The following CACNA2D4 variants were observed in gnomAD, a reference collection of about 807,000 sequenced individuals.
The protein encoded by CACNA2D4 is calcium voltage-gated channel auxiliary subunit alpha2delta 4.
A neutral mutation model predicts 163.8 loss-of-function variants in CACNA2D4; 157 were observed. The ratio of observed to expected loss-of-function variants is 0.96; its 90% CI spans 0.84 to 1.09. The LOEUF (loss-of-function observed/expected upper bound fraction) is 1.09, where lower values mean the gene tolerates loss of function less well. CACNA2D4 is among the 50% of genes least tolerant of loss of function. The probability of loss-of-function intolerance (pLI) is 0.00; values close to 1 mark genes in which losing one functional copy is unlikely to be tolerated. For missense variants in CACNA2D4, 1,410 were observed against 1,479.9 expected (o/e 0.95, Z 0.78); for synonymous variants, 598 against 586.9 (o/e 1.02, Z -0.27).
intron 26 of CACNA2D4, chr12:1,831,054 C>A (rs1409024015): frequency 6.2e-7 from 1 of 1,613,834 alleles, no homozygotes; most frequent in Non-Finnish European, 8.5e-7. Flanking sequence ...CACCACGGTG[C>A]CCCCAGACGT....
chr12:1,865,252 T>G (rs2154448789), intron 18 of CACNA2D4, among the ~76,000 whole-genome samples: 1 of 152,348 alleles, frequency 6.6e-6, no homozygotes, highest in Middle Eastern at 3.4e-3. Context: ...CCGCGGAGCC[T>G]GATGGTCTCG....
Position 1,800,368 on chromosome 12 carries a change from G to T in CACNA2D4, c.2921+18C>A. 6.2e-7 allele frequency: 1 copy of T among 1,613,358 alleles called. No homozygotes were observed. Among genetic ancestry groups the T allele is most frequent in the East Asian group, 2.2e-5 (1 of 44,874 alleles). ...TCGCATGCAGCCCTCCACCAGCCCC[G>T]TGTCTACCCCCACTCACAGCACCAG... On this transcript the variant is annotated intron_variant, in intron 32 of 37. Transcript: ENST00000382722.
chr12:1,858,548 C>T, intron 20 of CACNA2D4, 29 bp downstream of exon 20: 1 of 1,606,544 alleles, frequency 6.2e-7, no homozygotes, highest in Non-Finnish European at 8.5e-7. Flanking sequence ...TTCTGCTTAA[C>T]TGTCCCTCAG....
At chr12:1,797,671 C>G in intron 34 of CACNA2D4, 136 bp from the exon 35 acceptor site, 13 of 561,780 alleles carry the variant, frequency 2.3e-5, no homozygotes, top group Non-Finnish European at 3.2e-5. Flanking sequence ...TCAGGACACG[C>G]GTGGGAGGAG....
chr12:1,845,393 G>A (rs1289902826), intron 24 of CACNA2D4, among the ~76,000 whole-genome samples: 1 of 141,020 alleles, frequency 7.1e-6, no homozygotes, highest in Non-Finnish European at 1.6e-5. Flanking sequence ...GGGTGGGGGG[G>A]AGGAGGGGAG....
rs1490662252 is a variant in CACNA2D4 at position 1,831,109 on chromosome 12, G to C, written c.2551+9630C>G. On this transcript the variant is annotated intron_variant, in intron 26 of 37. Coordinates refer to ENST00000382722, the MANE Select transcript of CACNA2D4 (RefSeq NM_172364.5). ...CTCTTGCTCTTGAACAATAAGCTGA[G>C]TGCCCTGCCAAGCTGGGCTTTCGCC... The C allele has an allele frequency of 5.0e-6, 8 of 1,613,884 alleles. No homozygotes were observed. In the African/African-American group the frequency reaches 1.1e-4, roughly 22 times the overall value.
At chr12:1,812,341 C>G (rs535485787) in intron 26 of CACNA2D4, among the ~76,000 whole-genome samples, 1 of 152,332 alleles carries the variant, frequency 6.6e-6, no homozygotes, top group South Asian at 2.1e-4. Context: ...GCAAATAGTT[C>G]TCTTTTGATG....
intron 26 of CACNA2D4, among the ~76,000 whole-genome samples, chr12:1,823,649 A>C: frequency 6.6e-6 from 1 of 151,994 alleles, no homozygotes; most frequent in Non-Finnish European, 1.5e-5. Context: ...GGTTTCTAGA[A>C]AGCCCCCCAC....
chr12:1,824,108 G>A (rs1388457852), intron 26 of CACNA2D4, among the ~76,000 whole-genome samples: 1 of 152,204 alleles, frequency 6.6e-6, no homozygotes, highest in Non-Finnish European at 1.5e-5. Flanking sequence ...GTTTGTGACT[G>A]TGGTAATTTT....
At chr12:1,871,696 GTGTGTGTACACGTGTATGCAACTGGCA>G (rs1395061179) in intron 18 of CACNA2D4, among the ~76,000 whole-genome samples, 1 of 151,796 alleles carries the variant, frequency 6.6e-6, no homozygotes, top group African/African-American at 2.4e-5. Context: ...TGCTGCTGGT[GTGTGTGTACACGTGTATGCAACTGGCA>G]TGTGTGTACA....
chr12:1,831,954 T>A (rs1448285427), intron 26 of CACNA2D4, among the ~76,000 whole-genome samples: 2 of 152,128 alleles, frequency 1.3e-5, no homozygotes, highest in Non-Finnish European at 2.9e-5. Flanking sequence ...AATACAGCCA[T>A]CTCTTAAACA....
In CACNA2D4 at chr12:1,886,229, G is replaced by T. The variant is rs760606770; in HGVS notation, c.987C>A (p.Ile329=). The change falls in exon 8 of 38, where the codon ATC becomes ATA. Residue 329 remains isoleucine, a synonymous_variant. Transcript: ENST00000382722. The part of the protein sequence containing the change: ...DTLGENDFIN[I]IAYNDYVHYI... ...AACAGGAAGGCACATTTACCGCTAT[G>T]ATATTAATGAAGTCATTCTCCCCCA... 2 of 1,612,766 alleles carry T rather than the reference G, an allele frequency of 1.2e-6. No individual in the cohort carries two copies. Among genetic ancestry groups the T allele is most frequent in the Non-Finnish European group, 1.7e-6 (2 of 1,178,814 alleles).
At chr12:1,846,263 G>A (rs144693878) in intron 24 of CACNA2D4, among the ~76,000 whole-genome samples, 8 of 152,104 alleles carry the variant, frequency 5.3e-5, no homozygotes, top group Non-Finnish European at 7.4e-5. Flanking sequence ...TGGATTCTCC[G>A]ACCAACCCTC....
intron 6 of CACNA2D4, among the ~76,000 whole-genome samples, chr12:1,888,280 T>C (rs1866199133): frequency 6.6e-6 from 1 of 152,130 alleles, no homozygotes; most frequent in South Asian, 2.1e-4. Context: ...GAAGAGGACT[T>C]TGGAGGTCCT....
intron 6 of CACNA2D4, among the ~76,000 whole-genome samples, chr12:1,903,275 T>C (rs1307501991): frequency 4.6e-5 from 7 of 152,056 alleles, no homozygotes; most frequent in African/African-American, 1.4e-4. Context: ...AAAGAAAACA[T>C]TGGGGAAACT....
rs1198634724 is a variant in CACNA2D4 at position 1,802,662 on chromosome 12, CT to C, written c.2722-1019del. On this transcript the variant is annotated intron_variant, in intron 29 of 37. Transcript: ENST00000382722. The surrounding 1 kb of genome is among the most constrained non-coding windows in gnomAD (Gnocchi z 4.7). Reference sequence around the variant, plus strand: ...GGGATAGCGTGTGTCCGGCGTGTGGCTCCCAGTAAATACTTGAAAAATGGCA... The same window carrying C: ...GGGATAGCGTGTGTCCGGCGTGTGGCCCCAGTAAATACTTGAAAAATGGCA... Among the ~76,000 whole-genome samples the C allele has an allele frequency of 1.3e-5, 2 of 152,226 alleles. No homozygotes were observed. The highest frequency in any genetic ancestry group is 2.4e-5 in the African/African-American group (1 of 41,464).
chr12:1,886,458 T>C (rs1866148943), intron 7 of CACNA2D4, 85 bp from the exon 8 acceptor site: 4 of 1,270,912 alleles, frequency 3.1e-6, no homozygotes, highest in Admixed American at 2.2e-5. Flanking sequence ...TTATTTCTGT[T>C]CAGATGCTGG....
chr12:1,834,704 A>T lies in CACNA2D4; in HGVS notation c.2551+6035T>A. On this transcript the variant is annotated intron_variant, in intron 26 of 37. Coordinates refer to ENST00000382722, the MANE Select transcript of CACNA2D4 (RefSeq NM_172364.5). This position sits in a 1 kb window ranked among gnomAD's most constrained non-coding sequence, Gnocchi z 7.6. The stretch of plus-strand genomic sequence containing the variant: ...GGGCGAGCACGAGGACCAGAAGCAG[A>T]TCTCTTCTGTGGCCTGAGCGCCCAT... 6.3e-7 allele frequency: 1 copy of T among 1,599,656 alleles called. No homozygotes were observed.
chr12:1,850,975 T>C (rs1865265556), intron 23 of CACNA2D4, among the ~76,000 whole-genome samples: 1 of 152,100 alleles, frequency 6.6e-6, no homozygotes, highest in African/African-American at 2.4e-5. Context: ...CTCCACCTCC[T>C]GGGCTCAAGT....
Sources: allele counts gnomAD v4.1 joint callset (sites outside exome capture counted in the v4.1 genomes callset), GRCh38; gene constraint gnomAD v4.1.1; non-coding constraint Gnocchi (gnomAD v3.1); transcripts MANE v1.5; gene names NCBI Gene and HGNC (gene_info 2026-07-23, HGNC 2026-07-21).